SEPTIN10: variants seen among roughly 807,000 people sequenced by gnomAD.
SEPTIN10 encodes septin-10.
In SEPTIN10, 66 loss-of-function variants were observed where a neutral mutation model predicts 54.8. The observed-to-expected ratio is 1.21, with a 90% confidence interval of 0.99 to 1.48. The LOEUF is 1.48. Among genes scored for constraint, SEPTIN10 ranks in the 40% most tolerant of loss-of-function variants. The pLI is 0.00. For missense variants in SEPTIN10, 620 were observed against 545.6 expected (o/e 1.14, Z -1.36); for synonymous variants, 161 against 181.0 (o/e 0.89, Z 0.89).
At chr2:109,600,155 C>A (rs1005927952) in intron 1 of SEPTIN10, among the ~76,000 whole-genome samples, 4 of 151,894 alleles carry the variant, frequency 2.6e-5, no homozygotes, top group Non-Finnish European at 5.9e-5. Context: ...CAGACTTTGT[C>A]AGATCCACAC....
Position 109,574,763 on chromosome 2 carries a change from G to A in SEPTIN10, c.418C>T (p.Gln140Ter), listed in dbSNP as rs1331418944. ...GCATCTATGTAGTCAACTATTGGTTGGTAGCTGAAAAATTATTTAAATGTT... is the reference window on the plus strand; with the variant it reads ...GCATCTATGTAGTCAACTATTGGTTAGTAGCTGAAAAATTATTTAAATGTT... Reference protein sequence around the residue: ...GDQINKEESYQPIVDYIDAQF... With the variant: ...GDQINKEESY Residue 140 changes from glutamine to a stop codon, truncating the protein, a stop_gained, in exon 5 of 11, where the codon CAA becomes TAA. Coordinates refer to ENST00000397712, the MANE Select transcript of SEPTIN10 (RefSeq NM_144710.5). LOFTEE classifies it high-confidence loss of function. The A allele has an allele frequency of 4.5e-6, 7 of 1,563,802 alleles. No homozygotes were observed. Among genetic ancestry groups the A allele is most frequent in the East Asian group, 2.3e-5 (1 of 43,278 alleles).
intron 9 of SEPTIN10, among the ~76,000 whole-genome samples, chr2:109,548,472 C>T (rs555858985): frequency 1.8e-4 from 28 of 152,244 alleles, no homozygotes; most frequent in Non-Finnish European, 1.3e-4. Context: ...GCATGAGCCA[C>T]AGCGCCTGGC....
At chr2:109,591,185 C>T (rs1319857631) in intron 2 of SEPTIN10, among the ~76,000 whole-genome samples, 6 of 152,058 alleles carry the variant, frequency 3.9e-5, no homozygotes, top group Non-Finnish European at 5.9e-5. Flanking sequence ...GCTTCTTCCT[C>T]GTGAAAGTGT....
At chr2:109,598,027 G>A (rs1695686264) in intron 1 of SEPTIN10, among the ~76,000 whole-genome samples, 1 of 152,170 alleles carries the variant, frequency 6.6e-6, no homozygotes, top group South Asian at 2.1e-4. Context: ...TGAGCCTCAG[G>A]AAACAGAATC....
At chr2:109,566,121 ATTTATT>A (rs895677814) in intron 6 of SEPTIN10, among the ~76,000 whole-genome samples, 5 of 151,908 alleles carry the variant, frequency 3.3e-5, no homozygotes, top group African/African-American at 1.2e-4. Flanking sequence ...AAATTTATTT[ATTTATT>A]TTTATTTTTT....
At chr2:109,559,420 G>A (rs1573465205) in intron 8 of SEPTIN10, among the ~76,000 whole-genome samples, 1 of 152,208 alleles carries the variant, frequency 6.6e-6, no homozygotes, top group East Asian at 1.9e-4. Context: ...AACTTACTGA[G>A]TTTCTTCCAG....
chr2:109,550,278 A>T (rs1389476238), intron 9 of SEPTIN10, among the ~76,000 whole-genome samples: 1 of 151,618 alleles, frequency 6.6e-6, no homozygotes, highest in Non-Finnish European at 1.5e-5. Context: ...CAACAAAAGC[A>T]AGACTCAGTC....
At chr2:109,603,531 G>A (rs1028975506) in intron 1 of SEPTIN10, among the ~76,000 whole-genome samples, 11 of 150,640 alleles carry the variant, frequency 7.3e-5, no homozygotes, top group African/African-American at 1.9e-4. Flanking sequence ...GCACCACCGC[G>A]CCCGGCCTCA....
rs756483785 is a variant in SEPTIN10, at chr2:109,564,384, G to A, written c.1010C>T (p.Pro337Leu). The A allele has an allele frequency of 1.3e-6, 2 of 1,565,116 alleles. No individual in the cohort carries two copies. The highest frequency in any genetic ancestry group is 1.7e-6 in the Non-Finnish European group (2 of 1,151,778). ...ACCCTACCTGACTGGCTTGTTTTCT[G>A]GGCCCACATCTGTAAAGCCCATTTC... ...LEEMGFTDVG[P>L]ENKPVSVQET... The change falls in exon 8 of 11, where the codon CCA (proline) becomes CTA (leucine). Residue 337 changes from proline (P) to leucine (L), a missense_variant. Pro to Leu is a moderately conservative substitution (Grantham distance 98). Coordinates refer to ENST00000397712, the MANE Select transcript of SEPTIN10 (RefSeq NM_144710.5).
chr2:109,588,850 T>TAA (rs59135205), intron 2 of SEPTIN10, among the ~76,000 whole-genome samples: 3,204 of 111,374 alleles, frequency 0.029, 269 homozygotes, highest in East Asian at 0.2. Flanking sequence ...CAATTACTAT[T>TAA]AAAAAAAAAA....
intron 1 of SEPTIN10, among the ~76,000 whole-genome samples, chr2:109,602,195 C>G (rs1341902905): frequency 6.6e-6 from 1 of 152,070 alleles, no homozygotes; most frequent in Non-Finnish European, 1.5e-5. Flanking sequence ...CCTTTCAACT[C>G]AGATTTTATG....
chr2:109,561,947 ATGGGG>A (rs1284709591), intron 8 of SEPTIN10, among the ~76,000 whole-genome samples: 1 of 152,092 alleles, frequency 6.6e-6, no homozygotes, highest in Non-Finnish European at 1.5e-5. Context: ...TTTAGTAGAG[ATGGGG>A]TTTCAAGACC....
At position 109,613,919 on chromosome 2, in the gene SEPTIN10, A is replaced by T; in HGVS notation, c.-92T>A. ...GGCGGCGGGAAGGCCGGAGGGCAGA[A>T]GCAACGGGCGGGGCGCGAGGCTAGG... On this transcript the variant is annotated 5_prime_UTR_variant, in exon 1 of 11. Transcript: ENST00000397712. 8.2e-7 allele frequency: 1 copy of T among 1,213,106 alleles called. No individual in the cohort carries two copies. The highest frequency in any genetic ancestry group is 1.0e-6 in the Non-Finnish European group (1 of 976,138). 75.1% of individuals were successfully genotyped at this position (1,213,106 alleles called of 1,614,324 possible). A position where few individuals can be genotyped will look rare whatever the true frequency, so the allele number is the denominator to read the frequency against.
intron 4 of SEPTIN10, among the ~76,000 whole-genome samples, chr2:109,583,185 G>T (rs1184589366): frequency 6.6e-6 from 1 of 152,016 alleles, no homozygotes. Flanking sequence ...TTAAACTAAA[G>T]AGCTTCTACA....
intron 4 of SEPTIN10, among the ~76,000 whole-genome samples, chr2:109,575,839 C>T (rs534329383): frequency 3.3e-5 from 5 of 152,218 alleles, no homozygotes; most frequent in Admixed American, 6.5e-5. Flanking sequence ...TAAAGTTGCC[C>T]GACCTTTTAG....
At chr2:109,607,413 C>T (rs912694972) in intron 1 of SEPTIN10, among the ~76,000 whole-genome samples, 1 of 152,096 alleles carries the variant, frequency 6.6e-6, no homozygotes, top group African/African-American at 2.4e-5. Flanking sequence ...ATGGATCATG[C>T]ATTCTCAATG....
intron 5 of SEPTIN10, among the ~76,000 whole-genome samples, chr2:109,568,962 G>A (rs556618945): frequency 3.3e-5 from 5 of 152,282 alleles, no homozygotes; most frequent in African/African-American, 7.2e-5. Context: ...TGTGAAGACC[G>A]AATAACTTGT....
intron 1 of SEPTIN10, among the ~76,000 whole-genome samples, chr2:109,595,280 G>C (rs117888476): frequency 2.0e-5 from 3 of 152,206 alleles, no homozygotes; most frequent in African/African-American, 7.2e-5. Flanking sequence ...AGCTCAGTGA[G>C]GGACACAACG....
In SEPTIN10 at chr2:109,585,239, G is replaced by A. The variant is rs746916002; in HGVS notation, c.300C>T (p.Cys100=). 5.0e-6 allele frequency: 8 copies of A among 1,612,358 alleles called. No homozygotes were observed. Among genetic ancestry groups the A allele is most frequent in the Non-Finnish European group, 6.8e-6 (8 of 1,179,092 alleles). ...NFEDYESSHF[C]PNVKLKAQTY... Reference sequence around the variant, plus strand: ...TCTGAGCTTTAAGTTTAACATTTGGGCAAAAATGTGAGGATTCATAGTCTT... The same window carrying A: ...TCTGAGCTTTAAGTTTAACATTTGGACAAAAATGTGAGGATTCATAGTCTT... The change falls in exon 4 of 11, where the codon TGC becomes TGT. Residue 100 remains cysteine (C), a synonymous_variant. Transcript: ENST00000397712.
Sources: allele counts gnomAD v4.1 joint callset (sites outside exome capture counted in the v4.1 genomes callset), GRCh38; gene constraint gnomAD v4.1.1; transcripts MANE v1.5; gene names NCBI Gene and HGNC (gene_info 2026-07-23, HGNC 2026-07-21).